The following VPS54 variants were observed in gnomAD, a reference collection of about 807,000 sequenced individuals.
VPS54 encodes VPS54 subunit of GARP complex.
In VPS54, 45 loss-of-function variants were observed where a neutral mutation model predicts 121.5. The observed-to-expected ratio is 0.37, with a 90% CI of 0.29 to 0.47. VPS54 has a LOEUF of 0.47. Among genes scored for constraint, VPS54 ranks in the 20% least tolerant of loss-of-function variants. VPS54 has a pLI of 0.99. For synonymous variants in VPS54, 371 were observed against 385.8 expected (o/e 0.96, Z 0.45); for missense variants, 1,090 against 1,131.4 (o/e 0.96, Z 0.52).
intron 10 of VPS54, among the ~76,000 whole-genome samples, chr2:63,942,872 T>C (rs1246240375): frequency 6.6e-6 from 1 of 152,138 alleles, no homozygotes; most frequent in Non-Finnish European, 1.5e-5. Flanking sequence ...CATACATCTC[T>C]CCCCAAAATT....
chr2:63,917,001 C>A (rs367631876), intron 15 of VPS54, 38 bp from the exon 16 acceptor site: 2 of 1,601,786 alleles, frequency 1.2e-6, no homozygotes, highest in African/African-American at 2.7e-5. Context: ...ACAAGAGTAC[C>A]AGACGAAACA....
intron 1 of VPS54, 30 bp downstream of exon 1, chr2:64,018,908 G>A (rs1678844405): frequency 6.7e-6 from 1 of 150,234 alleles, no homozygotes; most frequent in African/African-American, 2.4e-5. Context: ...AGTGGGCTGA[G>A]ACGCGCGGGG....
chr2:63,948,968 G>A lies in VPS54; in HGVS notation c.1137+69C>T, dbSNP rs770611988. The A allele has an allele frequency of 1.1e-4, 165 of 1,563,444 alleles. 1 individual carries two copies. In the Middle Eastern group the frequency reaches 1.1e-3, roughly 10 times the overall value. On this transcript the variant is annotated intron_variant, in intron 8 of 22. Coordinates refer to ENST00000272322, the MANE Select transcript of VPS54 (RefSeq NM_016516.3). ...GATAATTTTGATTCCTATAATCTGA[G>A]AAAAATGTGTTCTAAGCCAAGACTG...
intron 1 of VPS54, among the ~76,000 whole-genome samples, chr2:63,999,901 C>A (rs977197044): frequency 6.6e-5 from 10 of 152,112 alleles, no homozygotes; most frequent in African/African-American, 2.2e-4. Context: ...CGCCCTGTCA[C>A]CCAGACTAGA....
intron 1 of VPS54, among the ~76,000 whole-genome samples, chr2:64,003,319 T>C (rs1478782908): frequency 6.6e-6 from 1 of 152,242 alleles, no homozygotes; most frequent in Non-Finnish European, 1.5e-5. Context: ...AATGAGAATC[T>C]ATAAATAGCT....
At chr2:63,907,518 CAAAA>C (rs113824223) in intron 20 of VPS54, among the ~76,000 whole-genome samples, 2 of 89,504 alleles carry the variant, frequency 2.2e-5, no homozygotes, top group Admixed American at 1.2e-4. Context: ...AACTCCATCT[CAAAA>C]AAAAAAAAAA....
intron 1 of VPS54, among the ~76,000 whole-genome samples, chr2:64,005,341 G>C (rs965739046): frequency 3.3e-5 from 5 of 149,538 alleles, no homozygotes; most frequent in Non-Finnish European, 5.9e-5. Context: ...CTGACCTTGT[G>C]ATCCGCCCGC....
At chr2:63,960,336 G>A (rs980513122) in intron 7 of VPS54, among the ~76,000 whole-genome samples, 2 of 152,116 alleles carry the variant, frequency 1.3e-5, no homozygotes, top group African/African-American at 2.4e-5. Context: ...TGAAAACAAA[G>A]GTAAGCTCTT....
chr2:63,926,381 T>C (rs1673901609), intron 12 of VPS54, among the ~76,000 whole-genome samples: 1 of 152,216 alleles, frequency 6.6e-6, no homozygotes, highest in African/African-American at 2.4e-5. Context: ...GAAGAAACTT[T>C]ATTAATATAT....
At position 63,914,382 on chromosome 2, in the gene VPS54, G is replaced by C. The variant is rs1350520441; in HGVS notation, c.2229-95C>G. 3.0e-5 allele frequency: 24 copies of C among 787,616 alleles called. 1 individual carries two copies. In the South Asian group the frequency reaches 3.8e-4, roughly 12 times the overall value. 48.8% of individuals were successfully genotyped at this position (787,616 alleles called of 1,614,324 possible). On this transcript the variant is annotated intron_variant, in intron 16 of 22. Transcript: ENST00000272322. The stretch of plus-strand genomic sequence containing the variant: ...AATCAAATTACTTAATGGCACAAAG[G>C]ATCTCTGAGAATATAATGACCTTGG...
At chr2:64,003,469 T>C (rs1281928696) in intron 1 of VPS54, among the ~76,000 whole-genome samples, 1 of 152,224 alleles carries the variant, frequency 6.6e-6, no homozygotes, top group Non-Finnish European at 1.5e-5. Flanking sequence ...ACTGAGGTTT[T>C]GCTTTTCATA....
intron 1 of VPS54, among the ~76,000 whole-genome samples, chr2:63,986,644 T>G (rs1008909421): frequency 1.3e-5 from 2 of 152,198 alleles, no homozygotes; most frequent in African/African-American, 4.8e-5. Context: ...TACAGCTCCG[T>G]TTTCAGTTTT....
intron 1 of VPS54, among the ~76,000 whole-genome samples, chr2:64,001,517 C>T (rs1677879656): frequency 6.6e-6 from 1 of 152,174 alleles, no homozygotes; most frequent in African/African-American, 2.4e-5. Flanking sequence ...AGCCAAGGCC[C>T]ATGGCGTACT....
At chr2:63,972,016 G>A (rs191381438) in intron 4 of VPS54, 150 bp downstream of exon 4, 68 of 424,170 alleles carry the variant, frequency 1.6e-4, no homozygotes, top group Non-Finnish European at 2.6e-4. Flanking sequence ...TCTCTTAGAA[G>A]TTCTTAGAAA....
At chr2:63,924,177 G>T (rs1054634673) in intron 12 of VPS54, among the ~76,000 whole-genome samples, 1 of 152,208 alleles carries the variant, frequency 6.6e-6, no homozygotes, top group Non-Finnish European at 1.5e-5. Flanking sequence ...ATCTCAAATG[G>T]TGTGGCAGAA....
At chr2:63,972,925 C>T (rs554715892) in intron 3 of VPS54, among the ~76,000 whole-genome samples, 68 of 150,814 alleles carry the variant, frequency 4.5e-4, no homozygotes, top group African/African-American at 1.5e-3. Context: ...GTTATTGACA[C>T]GTTCTGAGTA....
chr2:63,945,842 T>TA (rs1674954846), intron 9 of VPS54, among the ~76,000 whole-genome samples: 1 of 152,160 alleles, frequency 6.6e-6, no homozygotes, highest in Non-Finnish European at 1.5e-5. Flanking sequence ...AGTTTAAAAT[T>TA]AAAAAATAAA....
chr2:63,976,017 G>A (rs968436282), intron 3 of VPS54, among the ~76,000 whole-genome samples: 9 of 152,136 alleles, frequency 5.9e-5, no homozygotes, highest in African/African-American at 9.7e-5. Flanking sequence ...GGCGTGAGCC[G>A]ACACGCCCGG....
chr2:63,893,190 G>A lies in VPS54; in HGVS notation c.*240C>T. On this transcript the variant is annotated 3_prime_UTR_variant, in exon 23 of 23. Coordinates refer to ENST00000272322, the MANE Select transcript of VPS54 (RefSeq NM_016516.3). ...AGAAACCTGAGTCTGTTTCCAGAGA[G>A]AATGAAAAATGTTATAGACACCTGA... is the stretch of plus-strand genomic sequence containing the variant. The A allele has an allele frequency of 1.8e-6, 1 of 550,660 alleles. No individual in the cohort carries two copies. Among genetic ancestry groups the A allele is most frequent in the Non-Finnish European group, 3.3e-6 (1 of 304,558 alleles). 34.1% of individuals were successfully genotyped at this position (550,660 alleles called of 1,614,324 possible).
Sources: gnomAD v4.1 joint callset for allele counts (sites outside exome capture counted in the v4.1 genomes callset) on GRCh38, gnomAD v4.1.1 for gene constraint, MANE v1.5 for transcripts, NCBI Gene and HGNC (gene_info 2026-07-23, HGNC 2026-07-21) for gene names.